GLB1L2: variants seen among roughly 807,000 people sequenced by gnomAD.
The protein encoded by GLB1L2 is galactosidase beta 1 like 2.
A neutral mutation model predicts 84.1 loss-of-function variants in GLB1L2; 68 were observed. That is an observed-to-expected ratio of 0.81 (90% CI 0.67 to 0.99). GLB1L2 has a LOEUF of 0.99. Ranked by LOEUF, GLB1L2 falls within the 50% of genes least tolerant of loss-of-function variation. The probability of loss-of-function intolerance (pLI) is 0.00; values close to 1 mark genes in which losing one functional copy is unlikely to be tolerated. For missense variants in GLB1L2, 762 were observed against 805.6 expected (o/e 0.95, Z 0.66); for synonymous variants, 290 against 318.0 (o/e 0.91, Z 0.94).
chr11:134,374,110 C>A, intron 16 of GLB1L2, 35 bp from the exon 17 acceptor site: 1 of 1,457,382 alleles, frequency 6.9e-7, no homozygotes, highest in Admixed American at 1.7e-5. Flanking sequence ...TTGAGAAGGG[C>A]CTCCTCCCTC....
intron 18 of GLB1L2, 112 bp from the exon 19 acceptor site, chr11:134,374,860 C>A: frequency 8.3e-7 from 1 of 1,207,538 alleles, no homozygotes; most frequent in Non-Finnish European, 1.2e-6. Flanking sequence ...GGTCCCTGTC[C>A]CTTCCAGCCT....
chr11:134,342,976 G>C (rs1294517924), intron 2 of GLB1L2, 25 bp downstream of exon 2: 1 of 1,590,622 alleles, frequency 6.3e-7, no homozygotes, highest in Non-Finnish European at 8.6e-7. Flanking sequence ...TGTCCCCCCG[G>C]AGCCTGGTTC....
intron 5 of GLB1L2, among the ~76,000 whole-genome samples, chr11:134,352,910 A>G (rs1324019724): frequency 2.0e-5 from 3 of 152,078 alleles, no homozygotes; most frequent in African/African-American, 7.2e-5. Context: ...GGCCTCCCAA[A>G]GTGCTGGGAT....
rs538728330 is a variant in GLB1L2, at chr11:134,348,723, C to T, written c.558+1290C>T. ...CTTAGTTCAGGCTGCCACAACCAAACACCTAGACTGAGTGGCTTACAGACA... is the reference window on the plus strand; with the variant it reads ...CTTAGTTCAGGCTGCCACAACCAAATACCTAGACTGAGTGGCTTACAGACA... On this transcript the variant is annotated intron_variant, in intron 5 of 18. Coordinates refer to ENST00000535456, the MANE Select transcript of GLB1L2 (RefSeq NM_001370461.1). Among the ~76,000 whole-genome samples the T allele has an allele frequency of 1.0e-3, 152 of 152,316 alleles. 1 individual carries two copies. The highest frequency in any genetic ancestry group is 3.5e-3 in the African/African-American group (144 of 41,570).
chr11:134,347,917 G>A (rs879627232), intron 5 of GLB1L2, among the ~76,000 whole-genome samples: 9 of 152,102 alleles, frequency 5.9e-5, no homozygotes, highest in Non-Finnish European at 1.3e-4. Context: ...CTGACTTTAC[G>A]AGATACTTCC....
chr11:134,342,328 C>T (rs986667513), intron 1 of GLB1L2, among the ~76,000 whole-genome samples: 2 of 152,208 alleles, frequency 1.3e-5, no homozygotes, highest in Non-Finnish European at 2.9e-5. Flanking sequence ...CAGGTCTCTG[C>T]TCCTGCGGTC....
At chr11:134,361,753 T>TG (rs1381917449) in intron 7 of GLB1L2, among the ~76,000 whole-genome samples, 1 of 151,990 alleles carries the variant, frequency 6.6e-6, no homozygotes, top group Admixed American at 6.6e-5. Flanking sequence ...GCCTGCATGG[T>TG]GGGGGGTCTG....
chr11:134,368,917 C>G (rs1235272755), intron 10 of GLB1L2, 136 bp downstream of exon 10: 1 of 877,244 alleles, frequency 1.1e-6, no homozygotes, highest in South Asian at 1.7e-5. Context: ...AAGGTACTTG[C>G]CTGGACAGTC....
intron 18 of GLB1L2, 113 bp from the exon 19 acceptor site, chr11:134,374,859 C>A: frequency 1.7e-6 from 2 of 1,201,564 alleles, no homozygotes; most frequent in Non-Finnish European, 2.4e-6. Context: ...TGGTCCCTGT[C>A]CCTTCCAGCC....
Position 134,370,548 on chromosome 11 carries a change from G to C in GLB1L2, c.1215+149G>C, listed in dbSNP as rs763257322. 1.1e-5 allele frequency: 7 copies of C among 652,824 alleles called. No individual in the cohort carries two copies. The highest frequency in any genetic ancestry group is 1.8e-5 in the African/African-American group (1 of 55,282). The allele number at this position is 652,824 out of a possible 1,614,324, so 40.4% of individuals were successfully genotyped here. A position where few individuals can be genotyped will look rare whatever the true frequency, so the allele number is the denominator to read the frequency against. ...CCCCTCCAGACAGGGAGTGTGGGGG[G>C]AGGCAGGCCAGTGCCTGGTGGCTCT... On this transcript the variant is annotated intron_variant, in intron 12 of 18. Transcript: ENST00000535456. The surrounding 1 kb of genome is among the most constrained non-coding windows in gnomAD (Gnocchi z 4.7).
chr11:134,351,929 A>G (rs1278089203), intron 5 of GLB1L2, among the ~76,000 whole-genome samples: 1 of 152,198 alleles, frequency 6.6e-6, no homozygotes, highest in Admixed American at 6.5e-5. Context: ...AGAAAAGTGA[A>G]AAGAGTTTAT....
Position 134,375,049 on chromosome 11 carries a change from C to G in GLB1L2, c.1902C>G (p.Tyr634Ter). 6.2e-6 allele frequency: 10 copies of G among 1,613,454 alleles called. No homozygotes were observed. The highest frequency in any genetic ancestry group is 8.5e-6 in the Non-Finnish European group (10 of 1,179,766). Residue 634 changes from tyrosine (Y) to a stop codon, truncating the protein, a stop_gained, in exon 19 of 19, where the codon TAC (tyrosine) becomes TAG (stop). Transcript: ENST00000535456. LOFTEE classifies it high-confidence loss of function. ...CCCCCCACCTGGGCAGGAACCAGTACATTAAGTGAGCGGTGGCACCCCCTC... is the reference window on the plus strand; with the variant it reads ...CCCCCCACCTGGGCAGGAACCAGTAGATTAAGTGAGCGGTGGCACCCCCTC... ...TETPHLGRNQ[Y>*]IK
At chr11:134,358,366 C>T (rs1204961263) in intron 6 of GLB1L2, among the ~76,000 whole-genome samples, 4 of 152,370 alleles carry the variant, frequency 2.6e-5, no homozygotes, top group Non-Finnish European at 2.9e-5. Context: ...CTGCAAGGCT[C>T]GCGTAGGACA....
At chr11:134,350,632 C>T (rs78306779) in intron 5 of GLB1L2, among the ~76,000 whole-genome samples, 3,623 of 152,250 alleles carry the variant, frequency 0.024, 144 homozygotes, top group African/African-American at 0.082. Flanking sequence ...TGCTTTTCTG[C>T]GTGCAGATCA....
intron 6 of GLB1L2, among the ~76,000 whole-genome samples, 195 bp from the exon 7 acceptor site, chr11:134,358,865 A>C (rs1943742383): frequency 6.6e-6 from 1 of 152,256 alleles, no homozygotes; most frequent in Non-Finnish European, 1.5e-5. Flanking sequence ...TGTGATGGGA[A>C]TTCATGCTGA....
rs973764002 is a variant in GLB1L2, at chr11:134,371,438, A to G, written c.1374A>G (p.Val458=). The change falls in exon 14 of 19, where the codon GTA becomes GTG. Residue 458 remains valine (V), a synonymous_variant. Transcript: ENST00000535456. Reference sequence around the variant, plus strand: ...TTTGGCAGGTGTTTGTGAACACAGTATCCATAGGATTCTTGGACTACAAGA... The same window carrying G: ...TTTGGCAGGTGTTTGTGAACACAGTGTCCATAGGATTCTTGGACTACAAGA... The part of the protein sequence containing the change: ...HDRGQVFVNT[V]SIGFLDYKTT... 24 of 1,593,956 alleles carry G rather than the reference A, an allele frequency of 1.5e-5. No individual in the cohort carries two copies. The highest frequency in any genetic ancestry group is 2.0e-5 in the Non-Finnish European group (23 of 1,161,594).
chr11:134,371,030 T>C lies in GLB1L2; in HGVS notation c.1238T>C (p.Ile413Thr). ...LGEPIKSEKP[I>T]NMENLPVNGG... is the part of the protein sequence containing the mutation. ...CAGCCAATCAAGTCTGAAAAGCCCATCAACATGGAGAACCTGCCAGTCAAT... is the reference window on the plus strand; with the variant it reads ...CAGCCAATCAAGTCTGAAAAGCCCACCAACATGGAGAACCTGCCAGTCAAT... Residue 413 changes from isoleucine to threonine, a missense_variant, in exon 13 of 19, where the codon ATC (isoleucine) becomes ACC (threonine). By Grantham distance (89) the Ile-to-Thr change is moderately conservative. This residue lies in a region of GLB1L2 where 603 missense variants were observed against 611.7 expected (regional missense o/e 0.99). Coordinates refer to ENST00000535456, the MANE Select transcript of GLB1L2 (RefSeq NM_001370461.1). 6.2e-7 allele frequency: 1 copy of C among 1,613,850 alleles called. No homozygotes were observed. Among genetic ancestry groups the C allele is most frequent in the Non-Finnish European group, 8.5e-7 (1 of 1,179,940 alleles).
intron 5 of GLB1L2, among the ~76,000 whole-genome samples, chr11:134,351,764 G>C (rs1196775261): frequency 6.6e-6 from 1 of 152,068 alleles, no homozygotes; most frequent in Non-Finnish European, 1.5e-5. Context: ...ATGTTGTTGA[G>C]GGTTTTGGCA....
chr11:134,367,923 G>T (rs1366829687), intron 9 of GLB1L2, among the ~76,000 whole-genome samples: 4 of 152,264 alleles, frequency 2.6e-5, no homozygotes, highest in Admixed American at 2.0e-4. Context: ...GAGCATCCCG[G>T]TGAGCATCCC....
Sources: allele counts gnomAD v4.1 joint callset (sites outside exome capture counted in the v4.1 genomes callset), GRCh38; gene constraint gnomAD v4.1.1; regional missense constraint gnomAD v4.1.1; non-coding constraint Gnocchi (gnomAD v3.1); transcripts MANE v1.5; gene names NCBI Gene and HGNC (gene_info 2026-07-23, HGNC 2026-07-21).